The following TENM2 variants were observed in gnomAD, a reference collection of about 807,000 sequenced individuals.
TENM2 encodes the protein teneurin transmembrane protein 2, also known as teneurin-2.
A neutral mutation model predicts 245.2 loss-of-function variants in TENM2; 52 were observed. The observed-to-expected ratio is 0.21, with a 90% CI of 0.17 to 0.27. TENM2 has a LOEUF of 0.27. Among genes scored for constraint, TENM2 ranks in the 10% least tolerant of loss-of-function variants. The pLI is 1.00. For missense variants in TENM2, 3,046 were observed against 3,666.8 expected, an observed-to-expected ratio of 0.83 and a Z score of 4.37; for synonymous variants, 1,363 against 1,438.9, an observed-to-expected ratio of 0.95 and a Z score of 1.19.
At chr5:168,222,936 T>C (rs957938514) in intron 23 of TENM2, among the ~76,000 whole-genome samples, 1 of 152,162 alleles carries the variant, frequency 6.6e-6, no homozygotes, top group Non-Finnish European at 1.5e-5. Context: ...ATTTATTGAC[T>C]ACATAATTCA....
intron 7 of TENM2, among the ~76,000 whole-genome samples, chr5:168,085,756 G>A (rs1341761809): frequency 1.3e-5 from 2 of 152,250 alleles, no homozygotes; most frequent in East Asian, 3.8e-4. Context: ...ACCCACTGCA[G>A]CTAAGTCATT....
Position 168,090,773 on chromosome 5 carries a change from G to A in TENM2, c.1711+4G>A. ...TCCTTCAATACTGTTGTCCTAGGTA[G>A]GTGTGGGGTCTCTGAGATGGTACGC... On this transcript the variant is annotated splice_donor_region_variant and intron_variant, in intron 8 of 28. Coordinates refer to ENST00000518659, the Ensembl canonical transcript of TENM2. 2 of 1,612,486 alleles carry A rather than the reference G, an allele frequency of 1.2e-6. No homozygotes were observed. Among genetic ancestry groups the A allele is most frequent in the Non-Finnish European group, 1.7e-6 (2 of 1,178,738 alleles).
intron 5 of TENM2, among the ~76,000 whole-genome samples, chr5:168,020,694 G>T (rs1256673821): frequency 6.6e-6 from 1 of 152,130 alleles, no homozygotes; most frequent in East Asian, 1.9e-4. Flanking sequence ...CTGATATGTT[G>T]GCTTTTCTGA....
At chr5:168,139,022 C>A (rs1272728013) in intron 12 of TENM2, among the ~76,000 whole-genome samples, 1 of 152,212 alleles carries the variant, frequency 6.6e-6, no homozygotes, top group Non-Finnish European at 1.5e-5. Context: ...CTCACTGTTT[C>A]TATCAATAAT....
At chr5:167,578,738 G>A (rs1439929282) in intron 2 of TENM2, among the ~76,000 whole-genome samples, 1 of 152,016 alleles carries the variant, frequency 6.6e-6, no homozygotes, top group Admixed American at 6.6e-5. Flanking sequence ...TGCCTGTGTT[G>A]TCAGTTACTT....
exon 11 of TENM2, chr5:168,124,899 A>T (rs1795731899): frequency 6.2e-7 from 1 of 1,613,044 alleles, no homozygotes. Context: ...GTGTGAATGG[A>T]GAATGCCTGT....
chr5:167,489,725 G>T (rs1768306439), intron 2 of TENM2, among the ~76,000 whole-genome samples: 1 of 152,150 alleles, frequency 6.6e-6, no homozygotes, highest in Non-Finnish European at 1.5e-5. Flanking sequence ...GCTAAGCACA[G>T]TATGTACTGG....
the TENM2 span, among the ~76,000 whole-genome samples, chr5:167,130,752 T>TG: frequency 6.6e-6 from 1 of 152,180 alleles, no homozygotes; most frequent in Non-Finnish European, 1.5e-5. Flanking sequence ...CCACCCTCCT[T>TG]GGGGTCTCAC....
At chr5:167,340,774 A>G (rs1350679951) in intron 1 of TENM2, among the ~76,000 whole-genome samples, 5 of 152,262 alleles carry the variant, frequency 3.3e-5, no homozygotes, top group Non-Finnish European at 7.3e-5. Context: ...TTGGTGCTAT[A>G]ATAGCATAAA....
At chr5:167,789,499 C>T (rs1029106484) in intron 2 of TENM2, among the ~76,000 whole-genome samples, 4 of 152,196 alleles carry the variant, frequency 2.6e-5, no homozygotes, top group Non-Finnish European at 2.9e-5. Flanking sequence ...ATCGCCCAGC[C>T]AAGTTTGGCT....
At chr5:167,356,058 T>C (rs1424974698) in intron 1 of TENM2, among the ~76,000 whole-genome samples, 1 of 151,062 alleles carries the variant, frequency 6.6e-6, no homozygotes, top group Non-Finnish European at 1.5e-5. Flanking sequence ...GGCGGGTGCC[T>C]GTAATCCCAG....
intron 2 of TENM2, among the ~76,000 whole-genome samples, chr5:167,773,273 A>C (rs576763954): frequency 4.6e-5 from 7 of 152,312 alleles, no homozygotes; most frequent in Admixed American, 2.0e-4. Context: ...GACTTCAAAG[A>C]AAAACAGTGA....
chr5:167,236,359 A>G, the TENM2 span, among the ~76,000 whole-genome samples: 5 of 152,300 alleles, frequency 3.3e-5, no homozygotes, highest in East Asian at 1.9e-4. Context: ...GACAGCTACT[A>G]TCATTTCTAG....
At chr5:168,066,475 G>A (rs954562546) in intron 7 of TENM2, among the ~76,000 whole-genome samples, 10 of 151,934 alleles carry the variant, frequency 6.6e-5, no homozygotes, top group African/African-American at 2.2e-4. Context: ...AAACCCTTAA[G>A]GATTTTATTT....
At chr5:167,463,861 T>G (rs928400948) in intron 2 of TENM2, among the ~76,000 whole-genome samples, 4 of 152,222 alleles carry the variant, frequency 2.6e-5, no homozygotes, top group Admixed American at 1.3e-4. Flanking sequence ...GTTAGTTGTT[T>G]AGTTTGTTTC....
intron 5 of TENM2, among the ~76,000 whole-genome samples, chr5:168,011,705 T>A (rs1264076674): frequency 6.6e-6 from 1 of 152,130 alleles, no homozygotes. Context: ...TTCCAAAAAT[T>A]TATTGACTGA....
At chr5:167,648,799 T>G (rs1780143955) in intron 2 of TENM2, among the ~76,000 whole-genome samples, 1 of 152,196 alleles carries the variant, frequency 6.6e-6, no homozygotes, top group Admixed American at 6.5e-5. Flanking sequence ...CAAAATTGGT[T>G]TGAGGGACTA....
In TENM2 at chr5:168,036,869, C is replaced by A. The variant is rs528612079; in HGVS notation, c.1187-10558C>A. Among the ~76,000 whole-genome samples the A allele has an allele frequency of 4.8e-4, 73 of 151,434 alleles. 1 individual carries two copies. Among genetic ancestry groups the A allele is most frequent in the South Asian group, 1.7e-3 (8 of 4,776 alleles). ...AAAATGTAGTTCTTTTTTATAGATGCAAGTAGCTTACATTCCAAAAAGAAA... is the reference window on the plus strand; with the variant it reads ...AAAATGTAGTTCTTTTTTATAGATGAAAGTAGCTTACATTCCAAAAAGAAA... On this transcript the variant is annotated intron_variant, in intron 5 of 28. Transcript: ENST00000518659.
At chr5:167,061,013 T>C in the TENM2 span, among the ~76,000 whole-genome samples, 1 of 152,018 alleles carries the variant, frequency 6.6e-6, no homozygotes, top group Non-Finnish European at 1.5e-5. Flanking sequence ...ATTTTTAGTT[T>C]TCCAGGTGAT....
Sources: gnomAD v4.1 joint callset for allele counts (sites outside exome capture counted in the v4.1 genomes callset) on GRCh38, gnomAD v4.1.1 for gene constraint, MANE v1.5 for transcripts, NCBI Gene and HGNC (gene_info 2026-07-23, HGNC 2026-07-21) for gene names.